The following EYS variants were observed in gnomAD, a reference collection of about 807,000 sequenced individuals.
EYS encodes protein eyes shut homolog.
EYS carries 250 observed loss-of-function variants against 282.1 expected under a neutral mutation model. The ratio of observed to expected loss-of-function variants is 0.89; its 90% CI spans 0.80 to 0.98. The LOEUF (loss-of-function observed/expected upper bound fraction) is 0.98. Among genes scored for constraint, EYS ranks in the 50% least tolerant of loss-of-function variants. The probability of loss-of-function intolerance (pLI) is 0.00; values close to 1 mark genes in which losing one functional copy is unlikely to be tolerated. For missense variants in EYS, 4,016 were observed against 3,709.0 expected, an observed-to-expected ratio of 1.08 and a Z score of -2.15; for synonymous variants, 1,355 against 1,282.9, an observed-to-expected ratio of 1.06 and a Z score of -1.20.
At chr6:63,886,149 A>G (rs1773256017) in intron 35 of EYS, among the ~76,000 whole-genome samples, 1 of 152,200 alleles carries the variant, frequency 6.6e-6, no homozygotes, top group Non-Finnish European at 1.5e-5. Context: ...AATAATTTGT[A>G]AATTTTATGT....
chr6:64,739,653 A>G (rs1377010892), intron 22 of EYS, among the ~76,000 whole-genome samples: 1 of 152,154 alleles, frequency 6.6e-6, no homozygotes, highest in Non-Finnish European at 1.5e-5. Context: ...TTTCTATACA[A>G]CAGAAGCACC....
intron 12 of EYS, among the ~76,000 whole-genome samples, chr6:65,115,470 C>A (rs559737013): frequency 7.2e-5 from 11 of 151,954 alleles, no homozygotes; most frequent in African/African-American, 2.7e-4. Flanking sequence ...TTCTGTGTCT[C>A]GGATCAGACT....
chr6:64,607,184 C>T (rs867680141), intron 24 of EYS, among the ~76,000 whole-genome samples: 1 of 152,024 alleles, frequency 6.6e-6, no homozygotes, highest in Middle Eastern at 3.4e-3. Context: ...TTTTCTCCCA[C>T]TGCCTTGCCA....
chr6:64,753,563 A>C (rs1772835466), intron 22 of EYS, among the ~76,000 whole-genome samples: 1 of 151,862 alleles, frequency 6.6e-6, no homozygotes, highest in African/African-American at 2.4e-5. Flanking sequence ...TTCAATAAAA[A>C]GTAAAACAAT....
At chr6:64,836,180 CAT>C (rs1765375867) in intron 19 of EYS, among the ~76,000 whole-genome samples, 1 of 82,952 alleles carries the variant, frequency 1.2e-5, no homozygotes, top group Non-Finnish European at 2.8e-5. Context: ...ACAATTATAA[CAT>C]GTCATGTTTT....
At chr6:65,181,899 T>A (rs1305653939) in intron 12 of EYS, among the ~76,000 whole-genome samples, 1 of 152,096 alleles carries the variant, frequency 6.6e-6, no homozygotes, top group Non-Finnish European at 1.5e-5. Context: ...TGAGTTCATG[T>A]CCTTTGTAGG....
At chr6:65,388,275 A>G (rs1235618545) in intron 7 of EYS, among the ~76,000 whole-genome samples, 1 of 152,024 alleles carries the variant, frequency 6.6e-6, no homozygotes, top group Non-Finnish European at 1.5e-5. Context: ...CTAGTATTAA[A>G]CCTATTAAAA....
chr6:64,810,505 A>G (rs1764560709), intron 22 of EYS, among the ~76,000 whole-genome samples: 1 of 152,140 alleles, frequency 6.6e-6, no homozygotes, highest in Admixed American at 6.6e-5. Context: ...TGTGAATCTT[A>G]CAACACAACA....
At chr6:65,286,597 TA>T (rs1330641168) in intron 12 of EYS, among the ~76,000 whole-genome samples, 14 of 151,776 alleles carry the variant, frequency 9.2e-5, no homozygotes, top group Non-Finnish European at 1.8e-4. Context: ...GTACATAAGT[TA>T]TAGAAATGAA....
intron 22 of EYS, among the ~76,000 whole-genome samples, chr6:64,702,315 T>A (rs1303352948): frequency 6.6e-6 from 1 of 152,088 alleles, no homozygotes; most frequent in Non-Finnish European, 1.5e-5. Context: ...TTTTCTAAGT[T>A]AAAAGACAAG....
At chr6:65,054,754 A>G (rs1773365738) in intron 13 of EYS, among the ~76,000 whole-genome samples, 1 of 151,492 alleles carries the variant, frequency 6.6e-6, no homozygotes, top group South Asian at 2.1e-4. Context: ...TTATGTATGT[A>G]CAGTTCCATT....
chr6:64,526,900 T>C (rs577626487), intron 26 of EYS, among the ~76,000 whole-genome samples: 5 of 151,826 alleles, frequency 3.3e-5, no homozygotes, highest in Non-Finnish European at 5.9e-5. Flanking sequence ...AGTTGCATAA[T>C]TGTGTTGACT....
intron 29 of EYS, among the ~76,000 whole-genome samples, chr6:64,308,040 C>G (rs1334528025): frequency 1.3e-5 from 2 of 151,962 alleles, no homozygotes; most frequent in African/African-American, 4.8e-5. Flanking sequence ...ACTCATCCTT[C>G]CCATCAAGGC....
intron 13 of EYS, among the ~76,000 whole-genome samples, chr6:65,041,397 C>A (rs1407464981): frequency 6.6e-6 from 1 of 151,572 alleles, no homozygotes; most frequent in East Asian, 1.9e-4. Flanking sequence ...ATTTATCTAC[C>A]TGAGGGGTCT....
intron 22 of EYS, among the ~76,000 whole-genome samples, chr6:64,652,894 G>GTACATATA (rs1768612947): frequency 1.3e-5 from 2 of 152,260 alleles, no homozygotes; most frequent in South Asian, 2.1e-4. Context: ...ATATGTGTGT[G>GTACATATA]TGTGTTTGTG....
chr6:63,884,307 TAA>T (rs5876874), intron 35 of EYS, among the ~76,000 whole-genome samples: 8 of 149,870 alleles, frequency 5.3e-5, no homozygotes, highest in African/African-American at 1.5e-4. Context: ...GTAAAAAGAA[TAA>T]AAAAAAAAAT....
rs186374326 is a variant in EYS at position 64,534,921 on chromosome 6, G to A, written c.5644+55302C>T. Among the ~76,000 whole-genome samples the A allele has an allele frequency of 3.9e-4, 60 of 152,162 alleles. No individual in the cohort carries two copies. In the East Asian group the frequency reaches 0.01, roughly 27 times the overall value. On this transcript the variant is annotated intron_variant, in intron 26 of 42. Transcript: ENST00000503581. ...AGACATCCAATTTGCACACAAAGGT[G>A]CATGCACACACACATACATACACAT... is the stretch of plus-strand genomic sequence containing the variant.
At chr6:65,175,044 A>G (rs1176789605) in intron 12 of EYS, among the ~76,000 whole-genome samples, 2 of 151,328 alleles carry the variant, frequency 1.3e-5, no homozygotes. Context: ...AACATGTCAC[A>G]CACTGAAATT....
intron 22 of EYS, among the ~76,000 whole-genome samples, chr6:64,700,347 C>T (rs749695563): frequency 1.3e-5 from 2 of 152,020 alleles, no homozygotes; most frequent in Admixed American, 6.6e-5. Context: ...ATACTTTCAC[C>T]ATTTCTAGTC....
Sources: allele counts gnomAD v4.1 joint callset (sites outside exome capture counted in the v4.1 genomes callset), GRCh38; gene constraint gnomAD v4.1.1; transcripts MANE v1.5; gene names NCBI Gene and HGNC (gene_info 2026-07-23, HGNC 2026-07-21).